Variants in RUNDC3B observed in about 807,000 individuals in gnomAD.
RUNDC3B encodes the protein RUN domain containing 3B.
A neutral mutation model predicts 58.4 loss-of-function variants in RUNDC3B; 33 were observed. The ratio of observed to expected loss-of-function variants is 0.56; its 90% CI spans 0.43 to 0.75. The LOEUF is 0.75. RUNDC3B is among the 30% of genes least tolerant of loss of function. The pLI is 0.00. For synonymous variants in RUNDC3B, 193 were observed against 195.2 expected (o/e 0.99, Z 0.10); for missense variants, 501 against 535.7 (o/e 0.94, Z 0.64).
intron 6 of RUNDC3B, among the ~76,000 whole-genome samples, chr7:87,754,943 C>CAAA (rs35896180): frequency 4.1e-5 from 3 of 73,360 alleles, no homozygotes; most frequent in Non-Finnish European, 5.5e-5. Flanking sequence ...GCTTACCAAC[C>CAAA]AAAAAAAAAA....
intron 8 of RUNDC3B, among the ~76,000 whole-genome samples, chr7:87,793,561 T>C (rs1259291073): frequency 6.6e-6 from 1 of 152,116 alleles, no homozygotes; most frequent in Non-Finnish European, 1.5e-5. Context: ...ATCAACAGAA[T>C]GAAGGATTAA....
intron 2 of RUNDC3B, chr7:87,694,005 A>G (rs1046014607): frequency 6.2e-7 from 1 of 1,604,930 alleles, no homozygotes; most frequent in Non-Finnish European, 8.5e-7. Context: ...GCACGGGAGC[A>G]TGGAATTGAC....
At chr7:87,715,307 ATAAT>A (rs1177309537) in intron 4 of RUNDC3B, among the ~76,000 whole-genome samples, 14 of 132,654 alleles carry the variant, frequency 1.1e-4, no homozygotes, top group Middle Eastern at 3.4e-3. Flanking sequence ...ATAATTATAT[ATAAT>A]TAATTTATAA....
At chr7:87,778,805 T>C (rs1834784975) in intron 8 of RUNDC3B, among the ~76,000 whole-genome samples, 1 of 152,178 alleles carries the variant, frequency 6.6e-6, no homozygotes, top group South Asian at 2.1e-4. Flanking sequence ...GTACTAATCA[T>C]ATTTTGTCAG....
rs1273989459 is a variant in RUNDC3B at position 87,628,951 on chromosome 7, G to C, written c.122+6G>C. ...AACCTGATCACCGTGTGCAGGTACG[G>C]CAGCGCAGGGCGAGGGGAACCAGCC... On this transcript the variant is annotated splice_donor_region_variant and intron_variant, in intron 1 of 10. Coordinates refer to ENST00000394654, the MANE Select transcript of RUNDC3B (RefSeq NM_001134405.2). 2 of 1,309,030 alleles carry C rather than the reference G, an allele frequency of 1.5e-6. No individual in the cohort carries two copies. Among genetic ancestry groups the C allele is most frequent in the Non-Finnish European group, 2.0e-6 (2 of 1,020,218 alleles). The allele number at this position is 1,309,030 out of a possible 1,614,324, so 81.1% of individuals were successfully genotyped here. A position where few individuals can be genotyped will look rare whatever the true frequency, so the allele number is the denominator to read the frequency against.
At chr7:87,777,701 T>C (rs1026395360) in intron 7 of RUNDC3B, 97 bp from the exon 8 acceptor site, 3 of 906,996 alleles carry the variant, frequency 3.3e-6, no homozygotes, top group Non-Finnish European at 5.0e-6. Flanking sequence ...TTCATTACAA[T>C]ATAAATAGGA....
rs1820850170 is a variant in RUNDC3B, at chr7:87,628,593, G to T, written c.-231G>T. The T allele has an allele frequency of 8.0e-6, 1 of 124,706 alleles. No individual in the cohort carries two copies. Among genetic ancestry groups the T allele is most frequent in the Non-Finnish European group, 1.6e-5 (1 of 63,772 alleles). The allele number at this position is 124,706 out of a possible 1,614,324, so 7.7% of individuals were successfully genotyped here. On this transcript the variant is annotated 5_prime_UTR_variant, in exon 1 of 11. Coordinates refer to ENST00000394654, the MANE Select transcript of RUNDC3B (RefSeq NM_001134405.2). Reference sequence around the variant, plus strand: ...AGGTGGTGCGTGCGTGCGTGTGTGTGTGTGTGTGTGTGTGTGTGTGTGTGT... The same window carrying T: ...AGGTGGTGCGTGCGTGCGTGTGTGTTTGTGTGTGTGTGTGTGTGTGTGTGT...
chr7:87,733,830 GC>G (rs1307756049), intron 4 of RUNDC3B, among the ~76,000 whole-genome samples: 1 of 152,172 alleles, frequency 6.6e-6, no homozygotes, highest in East Asian at 1.9e-4. Flanking sequence ...CTCACCTCCT[GC>G]CCTGCAGCTC....
chr7:87,731,445 ACT>A (rs933180342), intron 4 of RUNDC3B, among the ~76,000 whole-genome samples: 1 of 152,162 alleles, frequency 6.6e-6, no homozygotes, highest in African/African-American at 2.4e-5. Flanking sequence ...AATGGACTAA[ACT>A]CTCCAATCAA....
intron 8 of RUNDC3B, among the ~76,000 whole-genome samples, chr7:87,791,866 T>C (rs565036588): frequency 6.6e-6 from 1 of 152,206 alleles, no homozygotes; most frequent in South Asian, 2.1e-4. Flanking sequence ...CCCCTTCTTA[T>C]AGATAACAAC....
chr7:87,645,081 C>CTTT (rs551936794), intron 1 of RUNDC3B, among the ~76,000 whole-genome samples: 2 of 128,096 alleles, frequency 1.6e-5, no homozygotes, highest in African/African-American at 2.8e-5. Flanking sequence ...TGCTTTCTTT[C>CTTT]TTTTTTTTTT....
intron 10 of RUNDC3B, among the ~76,000 whole-genome samples, chr7:87,822,221 G>A (rs1275091821): frequency 1.3e-5 from 2 of 152,050 alleles, no homozygotes; most frequent in African/African-American, 2.4e-5. Flanking sequence ...TCAAAAAGTG[G>A]GCGAAGGACA....
intron 6 of RUNDC3B, among the ~76,000 whole-genome samples, chr7:87,743,936 A>G (rs988620843): frequency 6.6e-6 from 1 of 152,168 alleles, no homozygotes; most frequent in Non-Finnish European, 1.5e-5. Context: ...CAGAGTTTTT[A>G]TAGTTTCAGG....
chr7:87,686,743 C>T (rs1047028545), intron 2 of RUNDC3B, among the ~76,000 whole-genome samples: 1 of 150,812 alleles, frequency 6.6e-6, no homozygotes, highest in African/African-American at 2.4e-5. Flanking sequence ...AGTTTGAGAC[C>T]CACCTGGGCA....
At chr7:87,629,102 A>G in intron 1 of RUNDC3B, 157 bp downstream of exon 1, 1 of 651,178 alleles carries the variant, frequency 1.5e-6, no homozygotes, top group Non-Finnish European at 2.2e-6. Flanking sequence ...AGCTCCTTGG[A>G]CAGGGGCCCG....
At chr7:87,814,623 C>G (rs1252012656) in intron 9 of RUNDC3B, among the ~76,000 whole-genome samples, 1 of 152,062 alleles carries the variant, frequency 6.6e-6, no homozygotes, top group Non-Finnish European at 1.5e-5. Flanking sequence ...TATATGTAGA[C>G]AAGTGCCCAA....
intron 10 of RUNDC3B, among the ~76,000 whole-genome samples, chr7:87,825,478 G>A (rs1156699261): frequency 6.6e-6 from 1 of 152,164 alleles, no homozygotes; most frequent in Non-Finnish European, 1.5e-5. Context: ...TGCTGCAGGG[G>A]TGGGGCCCTC....
chr7:87,655,563 G>C lies in RUNDC3B; in HGVS notation c.238+4626G>C, dbSNP rs958702327. 2.6e-5 allele frequency among the ~76,000 whole-genome samples: 4 copies of C among 152,240 alleles called. No homozygotes were observed. The East Asian group carries it at 7.7e-4, about 29-fold the overall frequency. ...AGTAGAATGGTGGTTACCGTGTGCT[G>C]GAAGGAGAGGGATCAGAGAGATGTT... On this transcript the variant is annotated intron_variant, in intron 2 of 10. Coordinates refer to ENST00000394654, the MANE Select transcript of RUNDC3B (RefSeq NM_001134405.2).
chr7:87,673,080 G>C (rs1825994464), intron 2 of RUNDC3B, among the ~76,000 whole-genome samples: 1 of 152,174 alleles, frequency 6.6e-6, no homozygotes, highest in African/African-American at 2.4e-5. Flanking sequence ...CTGCTGAAAG[G>C]TTTGCTGTTT....
Sources: gnomAD v4.1 joint callset for allele counts (sites outside exome capture counted in the v4.1 genomes callset) on GRCh38, gnomAD v4.1.1 for gene constraint, MANE v1.5 for transcripts, NCBI Gene and HGNC (gene_info 2026-07-23, HGNC 2026-07-21) for gene names.